SPAG16: variants seen among roughly 807,000 people sequenced by gnomAD.
The protein encoded by SPAG16 is sperm associated antigen 16.
In SPAG16, 86 loss-of-function variants were observed where a neutral mutation model predicts 80.4. The ratio of observed to expected loss-of-function variants is 1.07; its 90% confidence interval spans 0.90 to 1.28. SPAG16 has a LOEUF of 1.28. SPAG16 is among the 50% of genes most tolerant of loss of function. The pLI is 0.00. For missense variants in SPAG16, 870 were observed against 765.3 expected, an observed-to-expected ratio of 1.14 and a Z score of -1.61; for synonymous variants, 294 against 265.9, an observed-to-expected ratio of 1.11 and a Z score of -1.03.
intron 10 of SPAG16, among the ~76,000 whole-genome samples, chr2:213,804,500 G>T (rs981660234): frequency 2.0e-5 from 3 of 152,082 alleles, no homozygotes; most frequent in African/African-American, 7.2e-5. Context: ...TGGCTAACAC[G>T]GTGAAACCCT....
chr2:213,310,255 T>C (rs2063126913), intron 4 of SPAG16, 78 bp downstream of exon 4: 7 of 990,902 alleles, frequency 7.1e-6, no homozygotes, highest in African/African-American at 1.7e-5. Flanking sequence ...CTTAGGAGAC[T>C]TTGAAATGAC....
intron 9 of SPAG16, among the ~76,000 whole-genome samples, chr2:213,457,594 A>T (rs1027151980): frequency 1.3e-5 from 2 of 152,042 alleles, no homozygotes; most frequent in Non-Finnish European, 2.9e-5. Context: ...CTTTTTTTTA[A>T]AACCCTTGTA....
chr2:213,531,790 T>C (rs745331746), intron 10 of SPAG16, among the ~76,000 whole-genome samples: 1 of 152,180 alleles, frequency 6.6e-6, no homozygotes, highest in Non-Finnish European at 1.5e-5. Context: ...AATTTTTCTG[T>C]AATTTTATTC....
At chr2:214,021,133 A>C (rs2047842722) in intron 13 of SPAG16, among the ~76,000 whole-genome samples, 1 of 152,198 alleles carries the variant, frequency 6.6e-6, no homozygotes, top group African/African-American at 2.4e-5. Context: ...AAAGCATAAC[A>C]CATATTTAAG....
At chr2:214,211,959 G>A (rs74514151) in intron 15 of SPAG16, among the ~76,000 whole-genome samples, 20,182 of 151,934 alleles carry the variant, frequency 0.13, 1,470 homozygotes, top group Middle Eastern at 0.19. Context: ...CTCTAGTTTC[G>A]GGCTACTGTG....
At chr2:213,988,660 A>G (rs2046135914) in intron 12 of SPAG16, among the ~76,000 whole-genome samples, 1 of 150,770 alleles carries the variant, frequency 6.6e-6, no homozygotes, top group South Asian at 2.1e-4. Flanking sequence ...AATTGTACCA[A>G]CATTTTAGAT....
chr2:214,292,177 T>TCTTTTTTTATA (rs1275475271), intron 15 of SPAG16, among the ~76,000 whole-genome samples: 5 of 152,178 alleles, frequency 3.3e-5, no homozygotes, highest in African/African-American at 1.2e-4. Flanking sequence ...TTTATATAGT[T>TCTTTTTTTATA]TTCTCTTTAA....
chr2:213,542,181 G>A (rs112706462), intron 10 of SPAG16, among the ~76,000 whole-genome samples: 3,065 of 152,226 alleles, frequency 0.02, 44 homozygotes, highest in Middle Eastern at 0.051. Flanking sequence ...AATTGTAAAA[G>A]TCTTTGCTAT....
At chr2:213,961,077 C>T (rs1430043134) in intron 12 of SPAG16, among the ~76,000 whole-genome samples, 1 of 152,122 alleles carries the variant, frequency 6.6e-6, no homozygotes, top group Non-Finnish European at 1.5e-5. Context: ...CCGAAATTGA[C>T]CAAAATTAAG....
chr2:214,337,292 T>C (rs577085142), intron 15 of SPAG16, among the ~76,000 whole-genome samples: 2 of 151,200 alleles, frequency 1.3e-5, no homozygotes, highest in Non-Finnish European at 2.9e-5. Context: ...CACAAACTTA[T>C]TAAGAAATCC....
At chr2:213,958,475 A>C (rs1427154486) in intron 12 of SPAG16, among the ~76,000 whole-genome samples, 1 of 151,898 alleles carries the variant, frequency 6.6e-6, no homozygotes, top group Non-Finnish European at 1.5e-5. Context: ...GGTATGATAA[A>C]ATTAAACCTA....
rs755345457 is a variant in SPAG16, at chr2:213,322,334, C to CAAAAAAAAAA, written c.536+4991_536+5000dup. On this transcript the variant is annotated intron_variant, in intron 5 of 15. Transcript: ENST00000331683. ...TCTTCTTTCCATAGTGTAGACAATG[C>CAAAAAAAAAA]AAAAAAAAAAAAAAAAAAAAAACAA... Among the ~76,000 whole-genome samples, 4 of 23,706 alleles carry CAAAAAAAAAA rather than the reference C, an allele frequency of 1.7e-4. 2 individuals are homozygous for CAAAAAAAAAA. Among genetic ancestry groups the CAAAAAAAAAA allele is most frequent in the African/African-American group, 2.9e-4 (2 of 6,832 alleles). 15.6% of individuals were successfully genotyped at this position (23,706 alleles called of 152,430 possible).
intron 10 of SPAG16, among the ~76,000 whole-genome samples, chr2:213,495,317 A>G (rs1344044419): frequency 2.6e-5 from 4 of 152,266 alleles, no homozygotes; most frequent in African/African-American, 9.6e-5. Context: ...GCCATGTGAT[A>G]GAAGAAGCAC....
At chr2:214,228,398 GA>G (rs1688432087) in intron 15 of SPAG16, among the ~76,000 whole-genome samples, 1 of 151,808 alleles carries the variant, frequency 6.6e-6, no homozygotes, top group Admixed American at 6.6e-5. Context: ...GCATTCATAG[GA>G]AATATTTTAC....
At chr2:213,614,684 G>T (rs2061539128) in intron 10 of SPAG16, among the ~76,000 whole-genome samples, 1 of 152,168 alleles carries the variant, frequency 6.6e-6, no homozygotes, top group Admixed American at 6.5e-5. Flanking sequence ...TGTATCTTAA[G>T]TGTGATTAAT....
chr2:213,310,756 CAGT>C (rs1206747624), intron 4 of SPAG16, among the ~76,000 whole-genome samples: 1 of 151,732 alleles, frequency 6.6e-6, no homozygotes, highest in Non-Finnish European at 1.5e-5. Context: ...TTATGAAAAT[CAGT>C]AGGTGTACCT....
At chr2:213,396,075 C>A (rs1236966971) in intron 9 of SPAG16, among the ~76,000 whole-genome samples, 2 of 152,098 alleles carry the variant, frequency 1.3e-5, no homozygotes, top group Admixed American at 6.6e-5. Flanking sequence ...CAGTAGCATA[C>A]CTCTAGATTA....
chr2:213,519,035 G>T (rs115814562), intron 10 of SPAG16, among the ~76,000 whole-genome samples: 1 of 152,096 alleles, frequency 6.6e-6, no homozygotes, highest in African/African-American at 2.4e-5. Flanking sequence ...ACACATAGAC[G>T]TAAACTTGGG....
intron 10 of SPAG16, among the ~76,000 whole-genome samples, chr2:213,559,222 C>G (rs2125976808): frequency 6.6e-6 from 1 of 152,266 alleles, no homozygotes; most frequent in East Asian, 1.9e-4. Flanking sequence ...TGAACCGTCT[C>G]TGAATTATCT....
Sources: gnomAD v4.1 joint callset for allele counts (sites outside exome capture counted in the v4.1 genomes callset) on GRCh38, gnomAD v4.1.1 for gene constraint, MANE v1.5 for transcripts, NCBI Gene and HGNC (gene_info 2026-07-23, HGNC 2026-07-21) for gene names.